PCLO: variants seen among roughly 807,000 people sequenced by gnomAD.
PCLO encodes the protein piccolo presynaptic cytomatrix protein, also known as protein piccolo.
PCLO carries 82 observed loss-of-function variants against 427.5 expected under a neutral mutation model. The observed-to-expected ratio is 0.19, with a 90% CI of 0.16 to 0.23. The LOEUF (loss-of-function observed/expected upper bound fraction) is 0.23. Among genes scored for constraint, PCLO ranks in the 10% least tolerant of loss-of-function variants. PCLO has a pLI of 1.00. For synonymous variants in PCLO, 2,357 were observed against 2,155.4 expected, an observed-to-expected ratio of 1.09 and a Z score of -2.59; for missense variants, 6,239 against 6,115.9, an observed-to-expected ratio of 1.02 and a Z score of -0.67.
intron 3 of PCLO, among the ~76,000 whole-genome samples, chr7:83,050,770 G>A (rs990024627): frequency 8.0e-5 from 12 of 149,642 alleles, no homozygotes; most frequent in South Asian, 2.1e-4. Flanking sequence ...AAAATTATCC[G>A]GGCATGGTGG....
rs1791658199 is a variant in PCLO, at chr7:83,134,375, A to G, written c.3175T>C (p.Cys1059Arg). ...LEKSPKPEST[C>R]PLCKTELNIG... ...TTGAGTTCAGTTTTGCAGAGAGGACAGGTTGATTCTGGTTTGGGCGATTTC... is the reference window on the plus strand; with the variant it reads ...TTGAGTTCAGTTTTGCAGAGAGGACGGGTTGATTCTGGTTTGGGCGATTTC... The change falls in exon 3 of 25, where the codon TGT (cysteine) becomes CGT (arginine). Residue 1059 changes from cysteine to arginine, a missense_variant. Physicochemically the swap from Cys to Arg is radical, Grantham distance 180. Coordinates refer to ENST00000333891, the MANE Select transcript of PCLO (RefSeq NM_033026.6). The G allele has an allele frequency of 1.2e-6, 2 of 1,613,752 alleles. No homozygotes were observed. The highest frequency in any genetic ancestry group is 1.7e-6 in the Non-Finnish European group (2 of 1,179,820).
intron 21 of PCLO, among the ~76,000 whole-genome samples, chr7:82,802,690 T>C (rs751312572): frequency 2.6e-5 from 4 of 152,166 alleles, no homozygotes; most frequent in Non-Finnish European, 5.9e-5. Flanking sequence ...TCTAGCATAG[T>C]GGGATTTACT....
chr7:82,923,641 T>A (rs1378876830), intron 6 of PCLO, among the ~76,000 whole-genome samples: 1 of 152,092 alleles, frequency 6.6e-6, no homozygotes, highest in Non-Finnish European at 1.5e-5. Flanking sequence ...TTTTCTTTAA[T>A]TACAATGTTG....
At chr7:83,105,639 G>A in intron 3 of PCLO, among the ~76,000 whole-genome samples, 1 of 152,176 alleles carries the variant, frequency 6.6e-6, no homozygotes, top group Non-Finnish European at 1.5e-5. Flanking sequence ...AAGAATCACA[G>A]CAACAGCCAC....
intron 3 of PCLO, among the ~76,000 whole-genome samples, chr7:82,991,640 G>T (rs536702528): frequency 6.6e-5 from 10 of 152,058 alleles, no homozygotes; most frequent in Admixed American, 2.0e-4. Context: ...AACACTGTGG[G>T]ATCATAAAGT....
At chr7:82,790,006 C>T (rs1030545398) in intron 22 of PCLO, among the ~76,000 whole-genome samples, 7 of 151,910 alleles carry the variant, frequency 4.6e-5, no homozygotes, top group Non-Finnish European at 5.9e-5. Context: ...TGCTGGTGCC[C>T]GAAGCTGTTT....
intron 22 of PCLO, among the ~76,000 whole-genome samples, chr7:82,767,436 G>A (rs1790554832): frequency 6.6e-6 from 1 of 151,838 alleles, no homozygotes; most frequent in Non-Finnish European, 1.5e-5. Context: ...AATATATGAG[G>A]TGAAAATGGA....
intron 6 of PCLO, among the ~76,000 whole-genome samples, chr7:82,939,974 T>C (rs1284499791): frequency 6.6e-6 from 1 of 152,100 alleles, no homozygotes; most frequent in Non-Finnish European, 1.5e-5. Flanking sequence ...AAATACTTTA[T>C]GCAGTCCTCT....
intron 22 of PCLO, among the ~76,000 whole-genome samples, chr7:82,795,678 G>C (rs983004429): frequency 1.3e-5 from 2 of 152,004 alleles, no homozygotes; most frequent in Admixed American, 6.6e-5. Flanking sequence ...CTGTTTTCTT[G>C]ACTATATAAG....
At chr7:83,037,849 G>A (rs1788833173) in intron 3 of PCLO, among the ~76,000 whole-genome samples, 1 of 147,816 alleles carries the variant, frequency 6.8e-6, no homozygotes, top group South Asian at 2.1e-4. Flanking sequence ...TATAATGACT[G>A]TTTTCACTGG....
At chr7:83,010,407 C>T (rs1040378723) in intron 3 of PCLO, among the ~76,000 whole-genome samples, 35 of 151,792 alleles carry the variant, frequency 2.3e-4, no homozygotes, top group South Asian at 1.7e-3. Context: ...TATTGAATAG[C>T]ACCGATATCC....
At chr7:82,816,674 T>C (rs1014844304) in intron 20 of PCLO, among the ~76,000 whole-genome samples, 4 of 152,140 alleles carry the variant, frequency 2.6e-5, no homozygotes, top group African/African-American at 2.4e-5. Flanking sequence ...TTTAGGCCCA[T>C]AGCTAGACCA....
intron 22 of PCLO, among the ~76,000 whole-genome samples, chr7:82,769,534 A>G (rs1193167562): frequency 6.6e-6 from 1 of 152,166 alleles, no homozygotes; most frequent in Non-Finnish European, 1.5e-5. Flanking sequence ...TTCTATTGCA[A>G]CCTCAGCAGT....
chr7:82,997,089 A>G (rs565688630), intron 3 of PCLO, among the ~76,000 whole-genome samples: 9 of 152,076 alleles, frequency 5.9e-5, no homozygotes, highest in African/African-American at 2.2e-4. Flanking sequence ...TTGGAGTCGT[A>G]GATCAAACAC....
intron 3 of PCLO, among the ~76,000 whole-genome samples, chr7:83,070,677 G>A (rs1789791835): frequency 1.3e-5 from 2 of 152,122 alleles, no homozygotes; most frequent in Non-Finnish European, 1.5e-5. Flanking sequence ...GTGAGCCACT[G>A]CACCCAGCAT....
chr7:82,907,715 C>T (rs915423385), intron 8 of PCLO, among the ~76,000 whole-genome samples: 1 of 151,372 alleles, frequency 6.6e-6, no homozygotes, highest in Admixed American at 6.6e-5. Flanking sequence ...ATATGAAAAA[C>T]TAAAGATAGA....
chr7:82,778,653 C>T (rs1790806235), intron 22 of PCLO, among the ~76,000 whole-genome samples: 1 of 152,070 alleles, frequency 6.6e-6, no homozygotes, highest in Admixed American at 6.6e-5. Flanking sequence ...AAACCATTCA[C>T]AGTTATTTTT....
In PCLO at chr7:82,761,379, T is replaced by C; in HGVS notation, c.15122A>G (p.Lys5041Arg). 6.7e-7 allele frequency: 1 copy of C among 1,501,868 alleles called. No individual in the cohort carries two copies. The highest frequency in any genetic ancestry group is 9.1e-7 in the Non-Finnish European group (1 of 1,096,128). 93.0% of individuals were successfully genotyped at this position (1,501,868 alleles called of 1,614,324 possible). A position where few individuals can be genotyped will look rare whatever the true frequency, so the allele number is the denominator to read the frequency against. Residue 5041 changes from lysine to arginine, a missense_variant, in exon 23 of 25, where the codon AAG becomes AGG. This residue lies in a region of PCLO where 877 missense variants were observed against 925.5 expected (regional missense o/e 0.95). Coordinates refer to ENST00000333891, the MANE Select transcript of PCLO (RefSeq NM_033026.6). ...LQCRNITYKFKSPDHLPDLYV... is the reference protein window; with the variant it reads ...LQCRNITYKFRSPDHLPDLYV... ...GATACCTGGTAGATGATCAGGAGACTTAAATTTGTATGTAATATTTCTGCA... is the reference window on the plus strand; with the variant it reads ...GATACCTGGTAGATGATCAGGAGACCTAAATTTGTATGTAATATTTCTGCA...
intron 3 of PCLO, among the ~76,000 whole-genome samples, chr7:83,123,277 C>A (rs908237747): frequency 6.6e-6 from 1 of 152,050 alleles, no homozygotes; most frequent in Non-Finnish European, 1.5e-5. Flanking sequence ...AAAGTAGACC[C>A]GTGGACCAAT....
Sources: allele counts gnomAD v4.1 joint callset (sites outside exome capture counted in the v4.1 genomes callset), GRCh38; gene constraint gnomAD v4.1.1; regional missense constraint gnomAD v4.1.1; transcripts MANE v1.5; gene names NCBI Gene and HGNC (gene_info 2026-07-23, HGNC 2026-07-21).